Variants in PDZRN4 observed in about 807,000 individuals in gnomAD.
PDZRN4 encodes the protein PDZ domain containing ring finger 4.
A neutral mutation model predicts 99.0 loss-of-function variants in PDZRN4; 70 were observed. The ratio of observed to expected loss-of-function variants is 0.71; its 90% CI spans 0.58 to 0.86. The LOEUF (loss-of-function observed/expected upper bound fraction) is 0.86. PDZRN4 is among the 40% of genes least tolerant of loss of function. PDZRN4 has a pLI of 0.00. For missense variants in PDZRN4, 1,474 were observed against 1,331.2 expected (o/e 1.11, Z -1.67); for synonymous variants, 551 against 501.6 (o/e 1.10, Z -1.32).
intron 3 of PDZRN4, among the ~76,000 whole-genome samples, chr12:41,312,679 G>A (rs534911328): frequency 7.9e-5 from 12 of 152,118 alleles, no homozygotes; most frequent in East Asian, 3.9e-4. Context: ...ATCAGATCTC[G>A]TGAGACTTAT....
intron 3 of PDZRN4, among the ~76,000 whole-genome samples, chr12:41,194,768 C>T (rs535044257): frequency 6.6e-6 from 1 of 152,212 alleles, no homozygotes; most frequent in East Asian, 1.9e-4. Flanking sequence ...ACCTGTGTTT[C>T]CCATGAACTA....
chr12:41,296,101 TA>T (rs1565544616), intron 3 of PDZRN4, among the ~76,000 whole-genome samples: 1 of 152,126 alleles, frequency 6.6e-6, no homozygotes, highest in Admixed American at 6.6e-5. Context: ...CAACTCTGGC[TA>T]AAAAAAGTTG....
intron 3 of PDZRN4, among the ~76,000 whole-genome samples, chr12:41,224,265 TA>T (rs1224372829): frequency 3.3e-5 from 5 of 152,194 alleles, no homozygotes; most frequent in African/African-American, 1.2e-4. Context: ...TACAAATGGG[TA>T]AACAATGCTC....
chr12:41,385,061 A>G (rs1057089468), intron 3 of PDZRN4, among the ~76,000 whole-genome samples: 22 of 152,234 alleles, frequency 1.4e-4, no homozygotes, highest in African/African-American at 4.8e-4. Flanking sequence ...ATGATTTACA[A>G]CACTGATCCC....
At chr12:41,449,255 CTTTCCAAGG>C (rs1271367183) in intron 3 of PDZRN4, among the ~76,000 whole-genome samples, 1 of 152,088 alleles carries the variant, frequency 6.6e-6, no homozygotes, top group Non-Finnish European at 1.5e-5. Context: ...TTTCTTTTCT[CTTTCCAAGG>C]TACCCAGTTC....
intron 3 of PDZRN4, among the ~76,000 whole-genome samples, chr12:41,402,571 T>C (rs11180892): frequency 0.16 from 138 of 848 alleles, 69 homozygotes; most frequent in East Asian, 0.38. Flanking sequence ...TGAGTATATA[T>C]ATATATATAT....
At chr12:41,549,357 A>T (rs925620822) in intron 5 of PDZRN4, among the ~76,000 whole-genome samples, 2 of 152,346 alleles carry the variant, frequency 1.3e-5, no homozygotes, top group South Asian at 4.1e-4. Flanking sequence ...AATTCCTTTC[A>T]GATAATCAAA....
At chr12:41,478,350 A>G (rs1937624115) in intron 3 of PDZRN4, among the ~76,000 whole-genome samples, 1 of 152,152 alleles carries the variant, frequency 6.6e-6, no homozygotes, top group South Asian at 2.1e-4. Flanking sequence ...TCCTGACCTC[A>G]GGTGATCCGC....
At chr12:41,316,297 A>C in intron 3 of PDZRN4, among the ~76,000 whole-genome samples, 1 of 152,160 alleles carries the variant, frequency 6.6e-6, no homozygotes, top group East Asian at 1.9e-4. Context: ...TGTTAAAATC[A>C]AGATAGGGAA....
At chr12:41,448,340 C>T (rs1288336114) in intron 3 of PDZRN4, among the ~76,000 whole-genome samples, 1 of 152,142 alleles carries the variant, frequency 6.6e-6, no homozygotes, top group African/African-American at 2.4e-5. Context: ...CCCACCTCTC[C>T]TTCCTCACCC....
rs774917437 is a variant in PDZRN4, at chr12:41,452,437, TA to T, written c.844-54004del. ...CTGGGCGACAAAGTGAGCCTCCGTC[TA>T]AAAAAAAAAAAAAAGAAAGAAAGAA... On this transcript the variant is annotated intron_variant, in intron 3 of 9. Coordinates refer to ENST00000402685, the MANE Select transcript of PDZRN4 (RefSeq NM_001164595.2). 9.3e-3 allele frequency among the ~76,000 whole-genome samples: 1,241 copies of T among 133,334 alleles called. 14 individuals carry two copies. The highest frequency in any genetic ancestry group is 0.026 in the African/African-American group (924 of 35,108). The allele number at this position is 133,334 out of a possible 152,430, so 87.5% of individuals were successfully genotyped here.
chr12:41,416,226 TAA>T (rs1952444390), intron 3 of PDZRN4, among the ~76,000 whole-genome samples: 1 of 152,248 alleles, frequency 6.6e-6, no homozygotes, highest in South Asian at 2.1e-4. Context: ...CACTGTAGTT[TAA>T]AGTGTGGTAA....
intron 3 of PDZRN4, among the ~76,000 whole-genome samples, chr12:41,333,979 CCT>C (rs1203291678): frequency 6.6e-6 from 1 of 152,090 alleles, no homozygotes; most frequent in Non-Finnish European, 1.5e-5. Context: ...GCAAAATTTT[CCT>C]CTCTTTCTAA....
intron 3 of PDZRN4, among the ~76,000 whole-genome samples, chr12:41,243,103 T>C (rs532790893): frequency 6.6e-6 from 1 of 152,364 alleles, no homozygotes; most frequent in Non-Finnish European, 1.5e-5. Flanking sequence ...TTTTTGAGTG[T>C]AGAGGAAAGC....
At chr12:41,406,773 G>A (rs779178594) in intron 3 of PDZRN4, among the ~76,000 whole-genome samples, 2 of 144,466 alleles carry the variant, frequency 1.4e-5, no homozygotes, top group Non-Finnish European at 3.0e-5. Flanking sequence ...CAGGAGAATC[G>A]TTTGAACCTG....
chr12:41,202,959 C>T (rs960226517), intron 3 of PDZRN4, among the ~76,000 whole-genome samples: 1 of 151,750 alleles, frequency 6.6e-6, no homozygotes, highest in African/African-American at 2.4e-5. Flanking sequence ...TGATCTATTG[C>T]ATTGAAGCTA....
intron 4 of PDZRN4, among the ~76,000 whole-genome samples, chr12:41,508,727 C>T (rs778297673): frequency 6.6e-5 from 10 of 152,192 alleles, no homozygotes; most frequent in Middle Eastern, 3.4e-3. Context: ...ACTAGTTAGA[C>T]CTGTGTGGAG....
At chr12:41,509,361 G>T (rs1253459349) in intron 4 of PDZRN4, among the ~76,000 whole-genome samples, 1 of 152,100 alleles carries the variant, frequency 6.6e-6, no homozygotes, top group Non-Finnish European at 1.5e-5. Flanking sequence ...AAGTGCTTTT[G>T]AAAATGGTTT....
chr12:41,240,593 T>G (rs1384143639), intron 3 of PDZRN4, among the ~76,000 whole-genome samples: 1 of 152,196 alleles, frequency 6.6e-6, no homozygotes, highest in Non-Finnish European at 1.5e-5. Context: ...TATAACAAAG[T>G]ACCATAAATT....
Sources: allele counts gnomAD v4.1 joint callset (sites outside exome capture counted in the v4.1 genomes callset), GRCh38; gene constraint gnomAD v4.1.1; transcripts MANE v1.5; gene names NCBI Gene and HGNC (gene_info 2026-07-23, HGNC 2026-07-21).